Variants in OSBPL8 observed in about 807,000 individuals in gnomAD.
OSBPL8 encodes the protein oxysterol binding protein like 8.
OSBPL8 carries 59 observed loss-of-function variants against 125.5 expected under a neutral mutation model. The observed-to-expected ratio is 0.47, with a 90% CI of 0.38 to 0.58. OSBPL8 has a LOEUF of 0.58. Among genes scored for constraint, OSBPL8 ranks in the 20% least tolerant of loss-of-function variants. The pLI, the probability that OSBPL8 is intolerant of heterozygous loss-of-function variation, is 0.00. For missense variants in OSBPL8, 758 were observed against 1,047.8 expected, an observed-to-expected ratio of 0.72 and a Z score of 3.82; for synonymous variants, 330 against 338.9, an observed-to-expected ratio of 0.97 and a Z score of 0.29.
At chr12:76,443,360 C>T (rs766003322) in intron 4 of OSBPL8, among the ~76,000 whole-genome samples, 1 of 152,026 alleles carries the variant, frequency 6.6e-6, no homozygotes, top group Non-Finnish European at 1.5e-5. Context: ...ATAATAATCT[C>T]AAACAGGACA....
At chr12:76,463,262 CA>C (rs1250891867) in intron 2 of OSBPL8, among the ~76,000 whole-genome samples, 1 of 151,802 alleles carries the variant, frequency 6.6e-6, no homozygotes, top group Non-Finnish European at 1.5e-5. Flanking sequence ...CCAAATAGAC[CA>C]AATGTGAGAT....
intron 2 of OSBPL8, among the ~76,000 whole-genome samples, chr12:76,468,040 TTAA>T (rs1875676770): frequency 1.3e-5 from 2 of 152,226 alleles, no homozygotes; most frequent in South Asian, 4.1e-4. Context: ...GTTATGAGGC[TTAA>T]TAATAGTTTA....
chr12:76,360,218 G>A (rs951501695), intron 21 of OSBPL8, among the ~76,000 whole-genome samples: 2 of 152,188 alleles, frequency 1.3e-5, no homozygotes, highest in African/African-American at 4.8e-5. Context: ...GTTCCAAATG[G>A]GAGAAATTTG....
intron 3 of OSBPL8, among the ~76,000 whole-genome samples, chr12:76,458,316 C>A (rs1874308217): frequency 6.6e-6 from 1 of 151,704 alleles, no homozygotes; most frequent in African/African-American, 2.4e-5. Flanking sequence ...GTTCTTTTTT[C>A]TATTTTTAAG....
chr12:76,357,930 T>C (rs1259225405), intron 22 of OSBPL8, among the ~76,000 whole-genome samples: 1 of 152,122 alleles, frequency 6.6e-6, no homozygotes, highest in African/African-American at 2.4e-5. Flanking sequence ...TTCAAGATAC[T>C]TTACACATTA....
intron 1 of OSBPL8, among the ~76,000 whole-genome samples, chr12:76,552,323 G>A (rs58088384): frequency 0.053 from 7,891 of 148,726 alleles, 529 homozygotes; most frequent in African/African-American, 0.16. Flanking sequence ...CTACTCGGAA[G>A]GCTAAGGCAC....
chr12:76,405,591 G>A (rs1954226302), intron 5 of OSBPL8, among the ~76,000 whole-genome samples: 1 of 152,180 alleles, frequency 6.6e-6, no homozygotes, highest in Non-Finnish European at 1.5e-5. Flanking sequence ...CCGCCCTCAA[G>A]GAATCTTTAA....
chr12:76,428,838 C>T (rs1468047403), intron 4 of OSBPL8, among the ~76,000 whole-genome samples: 2 of 152,086 alleles, frequency 1.3e-5, no homozygotes, highest in African/African-American at 4.8e-5. Context: ...CAAGTCTATT[C>T]ATAACATTAA....
chr12:76,518,963 G>T (rs1298665800), intron 1 of OSBPL8, among the ~76,000 whole-genome samples: 2 of 152,168 alleles, frequency 1.3e-5, no homozygotes, highest in African/African-American at 4.8e-5. Flanking sequence ...CCATTGTCTT[G>T]GATATTAGCA....
intron 4 of OSBPL8, among the ~76,000 whole-genome samples, chr12:76,426,730 G>GT (rs1592662035): frequency 6.6e-6 from 1 of 152,190 alleles, no homozygotes; most frequent in East Asian, 1.9e-4. Flanking sequence ...ACATGTAAAT[G>GT]TTTTTTTCTT....
At chr12:76,399,318 C>T (rs1376886109) in intron 7 of OSBPL8, among the ~76,000 whole-genome samples, 3 of 151,954 alleles carry the variant, frequency 2.0e-5, no homozygotes, top group African/African-American at 7.3e-5. Flanking sequence ...ATTCCTACAG[C>T]TGTCTTTCAG....
intron 1 of OSBPL8, among the ~76,000 whole-genome samples, chr12:76,510,587 A>G (rs1378277762): frequency 1.3e-5 from 2 of 152,174 alleles, no homozygotes; most frequent in African/African-American, 4.8e-5. Flanking sequence ...CATTCATCAA[A>G]TATTATTTAT....
chr12:76,495,654 T>C (rs1879195161), intron 1 of OSBPL8, among the ~76,000 whole-genome samples: 1 of 151,410 alleles, frequency 6.6e-6, no homozygotes, highest in Non-Finnish European at 1.5e-5. Context: ...ACACCTACTC[T>C]ACACAGTTAA....
intron 4 of OSBPL8, among the ~76,000 whole-genome samples, chr12:76,429,439 C>T (rs1409531187): frequency 1.3e-5 from 2 of 151,390 alleles, no homozygotes; most frequent in Non-Finnish European, 2.9e-5. Context: ...GACTGAAACA[C>T]AGAGACATTA....
chr12:76,424,883 G>C (rs527787480), intron 4 of OSBPL8, among the ~76,000 whole-genome samples: 121 of 152,002 alleles, frequency 8.0e-4, no homozygotes, highest in Non-Finnish European at 1.3e-3. Context: ...ACATATCCAG[G>C]AGAGGATATA....
intron 1 of OSBPL8, among the ~76,000 whole-genome samples, chr12:76,524,615 T>A (rs1037650494): frequency 6.6e-6 from 1 of 151,918 alleles, no homozygotes; most frequent in Non-Finnish European, 1.5e-5. Flanking sequence ...ACTGTGAAGT[T>A]TTTTTTGGCA....
intron 4 of OSBPL8, among the ~76,000 whole-genome samples, chr12:76,417,125 C>T (rs1868783314): frequency 6.6e-6 from 1 of 152,144 alleles, no homozygotes. Context: ...TTTGTATTGG[C>T]TTTAGAATCA....
At chr12:76,366,045 T>A (rs1322059195) in intron 21 of OSBPL8, among the ~76,000 whole-genome samples, 1 of 152,268 alleles carries the variant, frequency 6.6e-6, no homozygotes, top group Non-Finnish European at 1.5e-5. Context: ...TTTGTAACTT[T>A]ATTTTCTTGT....
intron 6 of OSBPL8, among the ~76,000 whole-genome samples, chr12:76,400,328 A>G (rs372662616): frequency 1.3e-5 from 2 of 152,208 alleles, no homozygotes; most frequent in East Asian, 3.8e-4. Context: ...TTTGTAAAAG[A>G]CATGATGTCA....
Sources: gnomAD v4.1 joint callset for allele counts (sites outside exome capture counted in the v4.1 genomes callset) on GRCh38, gnomAD v4.1.1 for gene constraint, MANE v1.5 for transcripts, NCBI Gene and HGNC (gene_info 2026-07-23, HGNC 2026-07-21) for gene names.